The following IFT74 variants were observed in gnomAD, a reference collection of about 807,000 sequenced individuals.
IFT74 encodes intraflagellar transport 74, also known as intraflagellar transport protein 74 homolog.
Under a neutral mutation model 96.7 loss-of-function variants are expected in IFT74, and 92 were observed. That is an observed-to-expected ratio of 0.95 (90% CI 0.80 to 1.13). IFT74 has a LOEUF of 1.13. Ranked by LOEUF, IFT74 falls within the 50% of genes most tolerant of loss-of-function variation. The pLI is 0.00. For synonymous variants in IFT74, 223 were observed against 213.2 expected (o/e 1.05, Z -0.40); for missense variants, 811 against 698.2 (o/e 1.16, Z -1.82).
intron 2 of IFT74, among the ~76,000 whole-genome samples, chr9:26,974,440 G>A (rs1397242214): frequency 6.6e-6 from 1 of 152,158 alleles, no homozygotes; most frequent in Admixed American, 6.5e-5. Flanking sequence ...TGCTCCTTTA[G>A]CCTGTCTAAG....
Position 27,062,970 on chromosome 9 carries a change from C to A in IFT74, c.*234C>A. ...TCTTTTTATGCTACTTGTATTTGAA[C>A]CAAGAGATAAAGAAACTAAAAGTGA... On this transcript the variant is annotated 3_prime_UTR_variant, in exon 20 of 20. Transcript: ENST00000380062. The A allele has an allele frequency of 4.8e-6, 2 of 416,478 alleles. No homozygotes were observed. Among genetic ancestry groups the A allele is most frequent in the Non-Finnish European group, 8.5e-6 (2 of 236,356 alleles). The allele number at this position is 416,478 out of a possible 1,614,324, so 25.8% of individuals were successfully genotyped here.
intron 8 of IFT74, chr9:26,994,884 C>T (rs1195342921): frequency 9.8e-5 from 15 of 152,488 alleles, no homozygotes; most frequent in African/African-American, 2.7e-4. Context: ...TGTAGTGATC[C>T]TGCATTATGG....
At chr9:26,997,827 ATAG>A in intron 8 of IFT74, 2 of 1,614,196 alleles carry the variant, frequency 1.2e-6, no homozygotes, top group South Asian at 1.1e-5. Context: ...TCCAGATGAA[ATAG>A]TGGTGGTACA....
intron 15 of IFT74, 80 bp from the exon 16 acceptor site, chr9:27,048,068 G>T: frequency 2.2e-6 from 2 of 928,746 alleles, no homozygotes; most frequent in African/African-American, 1.7e-5. Context: ...CTCATCCTTT[G>T]ACAGTGTTTT....
intron 15 of IFT74, 44 bp downstream of exon 15, chr9:27,047,415 G>A (rs183322250): frequency 5.8e-6 from 7 of 1,208,280 alleles, no homozygotes; most frequent in South Asian, 2.7e-5. Context: ...TATTTTTGCC[G>A]TGATTAACTT....
chr9:27,008,650 G>A (rs1036145852), intron 8 of IFT74, among the ~76,000 whole-genome samples: 4 of 152,002 alleles, frequency 2.6e-5, no homozygotes, highest in South Asian at 2.1e-4. Context: ...GTGAGCCACC[G>A]AGCGCAGCCT....
intron 8 of IFT74, chr9:26,996,642 A>ATTCTTTCATTATGTTGC: frequency 2.1e-6 from 1 of 483,512 alleles, no homozygotes; most frequent in Non-Finnish European, 3.4e-6. Context: ...GTCTAGCAAC[A>ATTCTTTCATTATGTTGC]TAATGAAAGA....
intron 13 of IFT74, among the ~76,000 whole-genome samples, chr9:27,030,417 G>A (rs1007666494): frequency 1.8e-4 from 28 of 151,714 alleles, no homozygotes; most frequent in African/African-American, 2.7e-4. Flanking sequence ...TAGTAGTGGC[G>A]CATGCCTGTA....
chr9:27,047,386 C>G lies in IFT74; in HGVS notation c.1206+15C>G. On this transcript the variant is annotated intron_variant, in intron 15 of 19. Coordinates refer to ENST00000380062, the MANE Select transcript of IFT74 (RefSeq NM_025103.4). ...ACTGCAGTCGAGTGAGTACCATGTG[C>G]CTGTCTTGGTGTCCTCTTTATTTTT... is the stretch of plus-strand genomic sequence containing the variant. 1 of 1,507,964 alleles carries G rather than the reference C, an allele frequency of 6.6e-7. No individual in the cohort carries two copies. Among genetic ancestry groups the G allele is most frequent in the Non-Finnish European group, 9.1e-7 (1 of 1,093,468 alleles). 93.4% of individuals were successfully genotyped at this position (1,507,964 alleles called of 1,614,324 possible). A position where few individuals can be genotyped will look rare whatever the true frequency, so the allele number is the denominator to read the frequency against.
intron 13 of IFT74, among the ~76,000 whole-genome samples, chr9:27,044,536 A>G (rs958793916): frequency 2.0e-4 from 30 of 152,202 alleles, no homozygotes; most frequent in Admixed American, 1.3e-4. Flanking sequence ...GTCCTTTCCA[A>G]TCATATTGTT....
chr9:26,993,502 A>G (rs1587305792), intron 8 of IFT74: 1 of 152,518 alleles, frequency 6.6e-6, no homozygotes, highest in South Asian at 2.1e-4. Context: ...TTTTACAGGT[A>G]TATCATCCTA....
intron 12 of IFT74, among the ~76,000 whole-genome samples, chr9:27,021,028 T>G (rs1232324694): frequency 6.6e-6 from 1 of 152,198 alleles, no homozygotes; most frequent in African/African-American, 2.4e-5. Flanking sequence ...CAATGTTTGG[T>G]TTTCCATTCC....
rs1820576424 is a variant in IFT74, at chr9:27,065,387, G to C, written c.*2651G>C. Among the ~76,000 whole-genome samples, 1 of 152,140 alleles carries C rather than the reference G, an allele frequency of 6.6e-6. No homozygotes were observed. Among genetic ancestry groups the C allele is most frequent in the Admixed American group, 6.5e-5 (1 of 15,270 alleles). On this transcript the variant is annotated 3_prime_UTR_variant, in exon 20 of 20. Coordinates refer to ENST00000380062, the MANE Select transcript of IFT74 (RefSeq NM_025103.4). ...CTGAGTCAGTCACATTACTCAGGGG[G>C]TTCCATTCATGCTAAAATAACACCT...
At chr9:26,998,339 A>G in intron 8 of IFT74, 1 of 719,034 alleles carries the variant, frequency 1.4e-6, no homozygotes, top group Non-Finnish European at 2.1e-6. Context: ...GAAGGACGTT[A>G]TTTTGGGAAA....
intron 13 of IFT74, among the ~76,000 whole-genome samples, chr9:27,031,025 G>T (rs578125578): frequency 1.7e-4 from 26 of 152,234 alleles, no homozygotes; most frequent in African/African-American, 6.3e-4. Flanking sequence ...TGCTGTGTTG[G>T]CCAGGCTAGA....
In IFT74 at chr9:26,979,896, G is replaced by A. The variant is rs577359872; in HGVS notation, c.257-675G>A. Reference sequence around the variant, plus strand: ...CCCAGCTAATTTTTTTGTATTTTTAGTAGAGATGGGGTTTCACCATATTGG... The same window carrying A: ...CCCAGCTAATTTTTTTGTATTTTTAATAGAGATGGGGTTTCACCATATTGG... On this transcript the variant is annotated intron_variant, in intron 3 of 19. Coordinates refer to ENST00000380062, the MANE Select transcript of IFT74 (RefSeq NM_025103.4). 7.5e-4 allele frequency among the ~76,000 whole-genome samples: 113 copies of A among 151,548 alleles called. 1 individual carries two copies. In the South Asian group the frequency reaches 9.8e-3, roughly 13 times the overall value.
chr9:26,991,914 A>G (rs10967646), intron 8 of IFT74, among the ~76,000 whole-genome samples: 15,459 of 152,074 alleles, frequency 0.1, 1,812 homozygotes, highest in East Asian at 0.66. Context: ...TTGTAGTCCC[A>G]GCTACTCGGG....
intron 18 of IFT74, among the ~76,000 whole-genome samples, chr9:27,057,102 A>C (rs1820201020): frequency 6.6e-6 from 1 of 152,122 alleles, no homozygotes; most frequent in Non-Finnish European, 1.5e-5. Flanking sequence ...TAGTGCATGG[A>C]TGTCGCATAA....
At chr9:26,961,231 C>T (rs1826343366) in intron 1 of IFT74, among the ~76,000 whole-genome samples, 1 of 151,764 alleles carries the variant, frequency 6.6e-6, no homozygotes, top group Admixed American at 6.6e-5. Flanking sequence ...GCTGGTACTA[C>T]AGGCACCCGC....
Sources: gnomAD v4.1 joint callset for allele counts (sites outside exome capture counted in the v4.1 genomes callset) on GRCh38, gnomAD v4.1.1 for gene constraint, MANE v1.5 for transcripts, NCBI Gene and HGNC (gene_info 2026-07-23, HGNC 2026-07-21) for gene names.